Variants in LIN28B observed in about 807,000 individuals in gnomAD.
The protein encoded by LIN28B is lin-28 RNA binding posttranscriptional regulator B.
LIN28B carries 5 observed loss-of-function variants against 21.9 expected under a neutral mutation model. The ratio of observed to expected loss-of-function variants is 0.23; its 90% confidence interval spans 0.12 to 0.48. The LOEUF is 0.48. Among genes scored for constraint, LIN28B ranks in the 20% least tolerant of loss-of-function variants. The pLI is 0.98. For missense variants in LIN28B, 245 were observed against 310.5 expected (o/e 0.79, Z 1.58); for synonymous variants, 109 against 111.3 (o/e 0.98, Z 0.13).
chr6:105,082,865 A>T lies in LIN28B; in HGVS notation c.*4082A>T, dbSNP rs1772565855. On this transcript the variant is annotated 3_prime_UTR_variant, in exon 4 of 4. Coordinates refer to ENST00000345080, the MANE Select transcript of LIN28B (RefSeq NM_001004317.4). ...TGTGAGAGTTACCAGCTTGAAAATG[A>T]TGGTGTTGACTACCTCTTGAATCAC... 1 of 152,670 alleles carries T rather than the reference A, an allele frequency of 6.6e-6. No individual in the cohort carries two copies. The highest frequency in any genetic ancestry group is 1.5e-5 in the Non-Finnish European group (1 of 68,038). The allele number at this position is 152,670 out of a possible 1,614,324, so 9.5% of individuals were successfully genotyped here. A position where few individuals can be genotyped will look rare whatever the true frequency, so the allele number is the denominator to read the frequency against.
chr6:105,032,697 G>A (rs1771448462), intron 3 of LIN28B, among the ~76,000 whole-genome samples: 1 of 151,936 alleles, frequency 6.6e-6, no homozygotes, highest in African/African-American at 2.4e-5. Flanking sequence ...ACCCTAGCCA[G>A]GGTGACAGCA....
chr6:104,958,554 G>T (rs1335644672), intron 2 of LIN28B, among the ~76,000 whole-genome samples: 1 of 152,094 alleles, frequency 6.6e-6, no homozygotes, highest in African/African-American at 2.4e-5. Flanking sequence ...ATTCTACAGC[G>T]AAATAGTGTT....
At chr6:105,043,844 G>A (rs984905011) in intron 3 of LIN28B, among the ~76,000 whole-genome samples, 2 of 151,998 alleles carry the variant, frequency 1.3e-5, no homozygotes, top group Admixed American at 1.3e-4. Flanking sequence ...CAAGCGATCT[G>A]CCTCCTCAGC....
intron 3 of LIN28B, among the ~76,000 whole-genome samples, chr6:105,051,773 C>T (rs1350696123): frequency 1.3e-5 from 2 of 152,058 alleles, no homozygotes; most frequent in Non-Finnish European, 1.5e-5. Flanking sequence ...TTGTTGAGTA[C>T]CTGCCATGGA....
chr6:104,953,143 C>A (rs1337105640), upstream of LIN28B, among the ~76,000 whole-genome samples: 1 of 152,174 alleles, frequency 6.6e-6, no homozygotes, highest in African/African-American at 2.4e-5. Flanking sequence ...AGAGATCTTG[C>A]CAGGGGCAGA....
intron 3 of LIN28B, among the ~76,000 whole-genome samples, chr6:105,055,959 G>A (rs1366945671): frequency 1.2e-5 from 1 of 83,092 alleles, no homozygotes; most frequent in Non-Finnish European, 2.2e-5. Flanking sequence ...ACTGGATTTT[G>A]CCATGTTGCC....
intron 2 of LIN28B, among the ~76,000 whole-genome samples, chr6:104,978,589 AT>A (rs1770155964): frequency 6.6e-6 from 1 of 152,010 alleles, no homozygotes; most frequent in Admixed American, 6.6e-5. Context: ...AATTAAAAAA[AT>A]GTAGATATGC....
At chr6:104,939,851 A>G (rs751159021) in intron 2 of LIN28B, among the ~76,000 whole-genome samples, 33 of 152,240 alleles carry the variant, frequency 2.2e-4, no homozygotes, top group Non-Finnish European at 4.4e-4. Flanking sequence ...ATGATTGACT[A>G]GTACTGTTTA....
intron 3 of LIN28B, among the ~76,000 whole-genome samples, chr6:105,051,160 G>T (rs1216273387): frequency 6.6e-6 from 1 of 151,640 alleles, no homozygotes; most frequent in African/African-American, 2.4e-5. Flanking sequence ...AAAGCTGCGG[G>T]CTGGGCACAG....
At chr6:105,001,858 T>C (rs1211059721) in intron 2 of LIN28B, among the ~76,000 whole-genome samples, 1 of 152,202 alleles carries the variant, frequency 6.6e-6, no homozygotes, top group African/African-American at 2.4e-5. Flanking sequence ...AGAGAATTTA[T>C]TTTTAGACAA....
intron 3 of LIN28B, among the ~76,000 whole-genome samples, chr6:105,063,407 G>A (rs574020903): frequency 2.0e-5 from 3 of 152,278 alleles, no homozygotes; most frequent in East Asian, 3.9e-4. Context: ...AGGCCGAGAA[G>A]GGCGGATCAC....
In LIN28B at chr6:105,057,060, C is replaced by A. The variant is rs182540704; in HGVS notation, c.384-21354C>A. On this transcript the variant is annotated intron_variant, in intron 3 of 3. Coordinates refer to ENST00000345080, the MANE Select transcript of LIN28B (RefSeq NM_001004317.4). ...CTATCATATTCAGAAGCCCACTGAA[C>A]CTATATACAGTATTCATAACTTTTT... 4.3e-3 allele frequency among the ~76,000 whole-genome samples: 657 copies of A among 152,252 alleles called. 25 individuals carry two copies. Among genetic ancestry groups the A allele is most frequent in the Admixed American group, 0.04 (606 of 15,288 alleles).
At chr6:104,952,731 G>A (rs1046265767), upstream of LIN28B, among the ~76,000 whole-genome samples, 3 of 152,050 alleles carry the variant, frequency 2.0e-5, no homozygotes, top group Non-Finnish European at 4.4e-5. Flanking sequence ...CAATTTGTGT[G>A]GAAAACTTAA....
At chr6:105,014,746 C>T (rs1770995299) in intron 2 of LIN28B, among the ~76,000 whole-genome samples, 1 of 152,044 alleles carries the variant, frequency 6.6e-6, no homozygotes, top group Non-Finnish European at 1.5e-5. Context: ...AGCCACTGTA[C>T]CTGGCCTTTT....
chr6:104,939,492 T>C (rs1778054644), intron 2 of LIN28B: 1 of 152,194 alleles, frequency 6.6e-6, no homozygotes. Context: ...TCTGCATTGA[T>C]CTCACTCCCA....
intron 2 of LIN28B, among the ~76,000 whole-genome samples, chr6:104,986,794 C>G (rs1166819910): frequency 6.6e-6 from 1 of 152,174 alleles, no homozygotes; most frequent in Non-Finnish European, 1.5e-5. Context: ...CAATCCAAAA[C>G]CAGTTTTACC....
At chr6:104,969,505 C>T (rs548561695) in intron 2 of LIN28B, among the ~76,000 whole-genome samples, 1 of 152,126 alleles carries the variant, frequency 6.6e-6, no homozygotes, top group African/African-American at 2.4e-5. Context: ...TGTATAAAGC[C>T]TGCAGTATAA....
At chr6:105,053,708 T>G (rs1013764759) in intron 3 of LIN28B, among the ~76,000 whole-genome samples, 4 of 115,232 alleles carry the variant, frequency 3.5e-5, no homozygotes, top group Non-Finnish European at 5.3e-5. Flanking sequence ...GGTGTGTGTG[T>G]GGGTGCGTGT....
chr6:105,005,666 T>C (rs1770803084), intron 2 of LIN28B, among the ~76,000 whole-genome samples: 1 of 152,168 alleles, frequency 6.6e-6, no homozygotes, highest in Non-Finnish European at 1.5e-5. Context: ...CTTTGCCATC[T>C]GCCATGACTG....
Sources: allele counts gnomAD v4.1 joint callset (sites outside exome capture counted in the v4.1 genomes callset), GRCh38; gene constraint gnomAD v4.1.1; transcripts MANE v1.5; gene names NCBI Gene and HGNC (gene_info 2026-07-23, HGNC 2026-07-21).